Variants in TACC2 observed in about 807,000 individuals in gnomAD.
TACC2 encodes transforming acidic coiled-coil-containing protein 2.
TACC2 carries 137 observed loss-of-function variants against 227.3 expected under a neutral mutation model. The observed-to-expected ratio is 0.60, with a 90% CI of 0.52 to 0.69. The LOEUF (loss-of-function observed/expected upper bound fraction) is 0.69, where lower values mean the gene tolerates loss of function less well. Ranked by LOEUF, TACC2 falls within the 30% of genes least tolerant of loss-of-function variation. The pLI, the probability that TACC2 is intolerant of heterozygous loss-of-function variation, is 0.00. For missense variants in TACC2, 3,470 were observed against 3,694.4 expected, an observed-to-expected ratio of 0.94 and a Z score of 1.57; for synonymous variants, 1,523 against 1,487.5, an observed-to-expected ratio of 1.02 and a Z score of -0.55.
intron 3 of TACC2, among the ~76,000 whole-genome samples, chr10:122,065,829 G>T (rs1474457946): frequency 6.6e-6 from 1 of 152,088 alleles, no homozygotes; most frequent in Non-Finnish European, 1.5e-5. Flanking sequence ...GTTTATTTTA[G>T]AATGTATAAA....
chr10:121,995,899 G>C (rs1344841146), intron 1 of TACC2, among the ~76,000 whole-genome samples: 1 of 152,018 alleles, frequency 6.6e-6, no homozygotes, highest in Non-Finnish European at 1.5e-5. Context: ...GACTACAGGT[G>C]CGTGCCACCA....
intron 7 of TACC2, among the ~76,000 whole-genome samples, chr10:122,190,360 C>T (rs1226139071): frequency 1.3e-5 from 2 of 152,166 alleles, no homozygotes; most frequent in African/African-American, 4.8e-5. Flanking sequence ...GTGTTTAATT[C>T]AGCATTGTGT....
chr10:122,027,353 A>G (rs1312939608), intron 2 of TACC2, among the ~76,000 whole-genome samples: 2 of 152,146 alleles, frequency 1.3e-5, no homozygotes, highest in Non-Finnish European at 2.9e-5. Context: ...TATTTTGGAT[A>G]AAGTGTGCCT....
chr10:122,111,733 A>G (rs1447494797), intron 5 of TACC2, among the ~76,000 whole-genome samples: 1 of 151,524 alleles, frequency 6.6e-6, no homozygotes, highest in Non-Finnish European at 1.5e-5. Flanking sequence ...TGACCTCGTG[A>G]TCTGTCCACC....
chr10:122,192,569 G>A (rs2094444980), intron 7 of TACC2: 2 of 404,520 alleles, frequency 4.9e-6, no homozygotes, highest in Admixed American at 2.5e-5. Context: ...TCTGTGGCCG[G>A]TGGTGCAGCT....
At chr10:122,149,701 G>A (rs184196852) in intron 7 of TACC2, among the ~76,000 whole-genome samples, 15 of 152,232 alleles carry the variant, frequency 9.9e-5, no homozygotes, top group African/African-American at 3.1e-4. Flanking sequence ...TCCCCAGCGC[G>A]GCACTTTGCC....
chr10:122,209,780 C>G lies in TACC2; in HGVS notation c.5972-617C>G, dbSNP rs1474470325. On this transcript the variant is annotated intron_variant, in intron 8 of 22. Transcript: ENST00000369005. The surrounding 1 kb of genome is among the most constrained non-coding windows in gnomAD (Gnocchi z 4.5). ...TCTCGGCTCTCTGCAACCTCTGGCT[C>G]CCAGGCTCAAGCGATTCTCCTGCCT... 1.3e-5 allele frequency: 2 copies of G among 155,470 alleles called. No homozygotes were observed. The highest frequency in any genetic ancestry group is 2.4e-5 in the African/African-American group (1 of 41,458). 9.6% of individuals were successfully genotyped at this position (155,470 alleles called of 1,614,324 possible).
At chr10:122,000,971 C>A (rs564722841) in intron 1 of TACC2, among the ~76,000 whole-genome samples, 1 of 152,042 alleles carries the variant, frequency 6.6e-6, no homozygotes, top group East Asian at 1.9e-4. Flanking sequence ...TACAGGCATG[C>A]GCCACCATGC....
At chr10:122,069,764 G>C (rs939750004) in intron 3 of TACC2, among the ~76,000 whole-genome samples, 3 of 152,164 alleles carry the variant, frequency 2.0e-5, no homozygotes, top group African/African-American at 7.2e-5. Context: ...TTTGGAAGAG[G>C]TGGGGAGACC....
At chr10:122,236,588 ATT>A (rs2095861022) in intron 16 of TACC2, among the ~76,000 whole-genome samples, 1 of 151,892 alleles carries the variant, frequency 6.6e-6, no homozygotes, top group Non-Finnish European at 1.5e-5. Context: ...ATAACCACAG[ATT>A]CCTCCTCCTC....
chr10:122,151,300 C>G (rs2092013699), intron 7 of TACC2, among the ~76,000 whole-genome samples: 1 of 152,180 alleles, frequency 6.6e-6, no homozygotes, highest in Non-Finnish European at 1.5e-5. Context: ...GTTGGGAAGG[C>G]TTCCCAGAGG....
chr10:122,197,694 C>T (rs2094620311), intron 8 of TACC2, among the ~76,000 whole-genome samples: 1 of 152,322 alleles, frequency 6.6e-6, no homozygotes. Context: ...TTATGTTTCT[C>T]CTCCTTTGAA....
At chr10:122,160,974 G>C (rs2092785277) in intron 7 of TACC2, among the ~76,000 whole-genome samples, 1 of 151,856 alleles carries the variant, frequency 6.6e-6, no homozygotes, top group Admixed American at 6.6e-5. Context: ...ACAGGGTCTC[G>C]CTCTGTCACC....
chr10:122,202,013 C>CTTTTTTTTT (rs767544440), intron 8 of TACC2, among the ~76,000 whole-genome samples: 5 of 102,360 alleles, frequency 4.9e-5, no homozygotes, highest in East Asian at 6.1e-4. Flanking sequence ...TCTTCTTTAG[C>CTTTTTTTTT]TTTTTTTTTT....
chr10:122,086,818 A>G lies in TACC2; in HGVS notation c.4318A>G (p.Lys1440Glu). 1 of 1,613,970 alleles carries G rather than the reference A, an allele frequency of 6.2e-7. No homozygotes were observed. The highest frequency in any genetic ancestry group is 2.2e-5 in the East Asian group (1 of 44,886). The change falls in exon 4 of 23, where the codon AAA becomes GAA. Residue 1440 changes from lysine (K) to glutamate (E), a missense_variant. Transcript: ENST00000369005. The stretch of plus-strand genomic sequence containing the variant: ...AGGAGCTGGGAGGAGTGCAGTGGGT[A>G]AAGACCTCACCAGGCCATTGGGCCC... Reference protein sequence around the residue: ...KAGAGRSAVGKDLTRPLGPEK... With the variant: ...KAGAGRSAVGEDLTRPLGPEK...
At chr10:122,040,214 G>A (rs904351221) in intron 2 of TACC2, among the ~76,000 whole-genome samples, 3 of 152,180 alleles carry the variant, frequency 2.0e-5, no homozygotes, top group Non-Finnish European at 4.4e-5. Context: ...GGGAGTGGGA[G>A]GACACGGTCC....
At chr10:122,090,273 G>A (rs1352940806) in intron 5 of TACC2, among the ~76,000 whole-genome samples, 1 of 152,024 alleles carries the variant, frequency 6.6e-6, no homozygotes, top group East Asian at 1.9e-4. Flanking sequence ...AGGGGCAGGT[G>A]TGGTGGCTCA....
chr10:122,083,996 A>G lies in TACC2; in HGVS notation c.1496A>G (p.Glu499Gly). 1 of 1,613,998 alleles carries G rather than the reference A, an allele frequency of 6.2e-7. No homozygotes were observed. Among genetic ancestry groups the G allele is most frequent in the Non-Finnish European group, 8.5e-7 (1 of 1,179,986 alleles). Residue 499 changes from glutamate (E) to glycine (G), a missense_variant, in exon 4 of 23, where the codon GAG becomes GGG. Glu to Gly is a moderately conservative substitution (Grantham distance 98). This residue lies in a region of TACC2 where 1,924 missense variants were observed against 1,978.3 expected (regional missense o/e 0.97). Coordinates refer to ENST00000369005, the MANE Select transcript of TACC2 (RefSeq NM_206862.4). ...VPAPSPQERG[E>G]HLNTEQSHEV... ...GCCCCATCACCCCAGGAGAGGGGAG[A>G]GCACTTGAACACGGAGCAAAGCCAT...
At chr10:122,102,586 G>C (rs2082297424) in intron 5 of TACC2, among the ~76,000 whole-genome samples, 1 of 152,228 alleles carries the variant, frequency 6.6e-6, no homozygotes, top group Non-Finnish European at 1.5e-5. Context: ...ACAGCAGGCA[G>C]GGCATTGCTT....
Sources: allele counts gnomAD v4.1 joint callset (sites outside exome capture counted in the v4.1 genomes callset), GRCh38; gene constraint gnomAD v4.1.1; regional missense constraint gnomAD v4.1.1; non-coding constraint Gnocchi (gnomAD v3.1); transcripts MANE v1.5; gene names NCBI Gene and HGNC (gene_info 2026-07-23, HGNC 2026-07-21).